The following EIF4E2 variants were observed in gnomAD, a reference collection of about 807,000 sequenced individuals.
EIF4E2 encodes eukaryotic translation initiation factor 4E family member 2.
A neutral mutation model predicts 34.2 loss-of-function variants in EIF4E2; 13 were observed. The observed-to-expected ratio is 0.38, with a 90% CI of 0.25 to 0.60. The LOEUF (loss-of-function observed/expected upper bound fraction) is 0.60, where lower values mean the gene tolerates loss of function less well. Ranked by LOEUF, EIF4E2 falls within the 20% of genes least tolerant of loss-of-function variation. The probability of loss-of-function intolerance (pLI) is 0.62; values close to 1 mark genes in which losing one functional copy is unlikely to be tolerated. For missense variants in EIF4E2, 222 were observed against 315.1 expected, an observed-to-expected ratio of 0.70 and a Z score of 2.24; for synonymous variants, 100 against 106.6, an observed-to-expected ratio of 0.94 and a Z score of 0.38.
At chr2:232,555,560 C>T (rs1030605925) in intron 1 of EIF4E2, among the ~76,000 whole-genome samples, 1 of 152,182 alleles carries the variant, frequency 6.6e-6, no homozygotes, top group African/African-American at 2.4e-5. Context: ...ATTTATTCAG[C>T]ATCTTCTAGT....
At chr2:232,568,619 G>A (rs113065716) in intron 6 of EIF4E2, 28 of 985,340 alleles carry the variant, frequency 2.8e-5, no homozygotes, top group Non-Finnish European at 6.0e-6. Flanking sequence ...TACCTGGATA[G>A]GAGAGGGAAA....
downstream of EIF4E2, chr2:232,569,302 C>G: frequency 1.7e-6 from 2 of 1,185,924 alleles, no homozygotes; most frequent in Non-Finnish European, 2.1e-6. Context: ...CAGACTTTTC[C>G]ATGGAGGGCC....
chr2:232,570,443 A>G (rs1190455), downstream of EIF4E2, among the ~76,000 whole-genome samples: 105,803 of 152,162 alleles, frequency 0.7, 37,334 homozygotes, highest in South Asian at 0.76. Context: ...CTTTAATTTC[A>G]GCTGTATTGT....
At chr2:232,557,840 A>G (rs1365346021) in intron 2 of EIF4E2, 44 bp from the exon 3 acceptor site, 1 of 1,602,580 alleles carries the variant, frequency 6.2e-7, no homozygotes, top group Non-Finnish European at 8.5e-7. Context: ...GTCTCAGACC[A>G]CGTGACAAAT....
At chr2:232,567,711 G>A (rs1177144212) in intron 6 of EIF4E2, 3 of 994,490 alleles carry the variant, frequency 3.0e-6, no homozygotes, top group Non-Finnish European at 3.6e-6. Flanking sequence ...GGGGGATAGT[G>A]TGTGTGTGAG....
chr2:232,565,414 A>G (rs755661838), intron 4 of EIF4E2, among the ~76,000 whole-genome samples: 1 of 152,082 alleles, frequency 6.6e-6, no homozygotes, highest in Non-Finnish European at 1.5e-5. Context: ...TGGACAGATC[A>G]CCTGAGGTCA....
intron 6 of EIF4E2, among the ~76,000 whole-genome samples, chr2:232,578,739 A>C (rs1378404518): frequency 6.6e-6 from 1 of 152,224 alleles, no homozygotes; most frequent in African/African-American, 2.4e-5. Flanking sequence ...TCCAAAAGAT[A>C]AGATGACCTG....
chr2:232,565,489 C>G (rs1016154360), intron 4 of EIF4E2, among the ~76,000 whole-genome samples: 1 of 151,886 alleles, frequency 6.6e-6, no homozygotes, highest in Non-Finnish European at 1.5e-5. Context: ...CAAAAATTAG[C>G]CAGGTGTGGT....
At chr2:232,567,047 G>T in intron 5 of EIF4E2, 31 bp from the exon 6 acceptor site, 1 of 1,607,560 alleles carries the variant, frequency 6.2e-7, no homozygotes, top group Admixed American at 1.7e-5. Flanking sequence ...CCCCTGATTT[G>T]CTTTGATGAT....
chr2:232,580,920 C>T lies in EIF4E2; in HGVS notation c.682C>T (p.Arg228Ter). ...TTCTTTCAGGGACAATTCAAGCTTT[C>T]GAAATACAAAAATCACATTGTGAGA... The change falls in exon 7 of 7, where the codon CGA becomes TGA. Residue 228 changes from arginine (R) to a stop codon, truncating the protein, a stop_gained. Transcript: ENST00000409098. LOFTEE classifies it high-confidence loss of function. 1.3e-6 allele frequency: 2 copies of T among 1,549,786 alleles called. No individual in the cohort carries two copies. The highest frequency in any genetic ancestry group is 1.7e-6 in the Non-Finnish European group (2 of 1,146,886).
chr2:232,569,090 C>T lies in EIF4E2; in HGVS notation c.*73C>T. ...AGTCTCTTGTTCTGTTGGCGTGCTA[C>T]CTGGAAGATCCTTCTGTCCTGGACA... On this transcript the variant is annotated 3_prime_UTR_variant, in exon 7 of 7. Transcript: ENST00000258416. 1 of 1,579,620 alleles carries T rather than the reference C, an allele frequency of 6.3e-7. No homozygotes were observed. Among genetic ancestry groups the T allele is most frequent in the Non-Finnish European group, 8.6e-7 (1 of 1,161,248 alleles).
chr2:232,555,392 T>A (rs1329333300), intron 1 of EIF4E2, among the ~76,000 whole-genome samples: 1 of 152,220 alleles, frequency 6.6e-6, no homozygotes, highest in Non-Finnish European at 1.5e-5. Flanking sequence ...CATTTATCTT[T>A]TTGTCTGGAT....
Position 232,564,520 on chromosome 2 carries a change from G to A in EIF4E2, c.375+169G>A, listed in dbSNP as rs569304692. On this transcript the variant is annotated intron_variant, in intron 4 of 6. Transcript: ENST00000258416. ...AGGCTGAGCGCAGTGGCGCGATCTCGGCTCACTGCAAGCTCCGCCTCCCAG... is the reference window on the plus strand; with the variant it reads ...AGGCTGAGCGCAGTGGCGCGATCTCAGCTCACTGCAAGCTCCGCCTCCCAG... Among the ~76,000 whole-genome samples, 16 of 152,288 alleles carry A rather than the reference G, an allele frequency of 1.1e-4. 1 individual carries two copies. Among genetic ancestry groups the A allele is most frequent in the Admixed American group, 5.2e-4 (8 of 15,290 alleles).
intron 1 of EIF4E2, among the ~76,000 whole-genome samples, chr2:232,554,069 A>G (rs1692435147): frequency 6.6e-6 from 1 of 152,198 alleles, no homozygotes; most frequent in South Asian, 2.1e-4. Context: ...GGGCCTAAGC[A>G]GAAGAACCTT....
intron 6 of EIF4E2, among the ~76,000 whole-genome samples, chr2:232,579,921 C>T (rs191188474): frequency 3.3e-4 from 50 of 152,190 alleles, no homozygotes; most frequent in African/African-American, 9.9e-4. Context: ...CCTTAAAGTC[C>T]CTGCCAGCCT....
chr2:232,577,197 G>T (rs1378844765), intron 6 of EIF4E2, among the ~76,000 whole-genome samples: 8 of 152,212 alleles, frequency 5.3e-5, no homozygotes, highest in Admixed American at 1.3e-4. Context: ...GAAAGAGTTT[G>T]CAGCTTTACT....
Position 232,556,494 on chromosome 2 carries a change from G to T in EIF4E2, c.99G>T (p.Thr33=), listed in dbSNP as rs780492980. The T allele has an allele frequency of 1.9e-6, 3 of 1,613,402 alleles. No homozygotes were observed. The highest frequency in any genetic ancestry group is 2.5e-6 in the Non-Finnish European group (3 of 1,179,730). The stretch of plus-strand genomic sequence containing the variant: ...AGAAAGATGGTGAGAAGGAAAAAAC[G>T]GAACGAGACAAGAATCAGAGCAGTA... ...STQKDGEKEK[T]ERDKNQSSSK... The change falls in exon 2 of 7, where the codon ACG becomes ACT. Residue 33 remains threonine, a synonymous_variant. Coordinates refer to ENST00000258416, the MANE Select transcript of EIF4E2 (RefSeq NM_004846.4).
At chr2:232,580,282 G>A (rs144686090) in intron 6 of EIF4E2, among the ~76,000 whole-genome samples, 1 of 152,046 alleles carries the variant, frequency 6.6e-6, no homozygotes, top group African/African-American at 2.4e-5. Flanking sequence ...TTGGTTTTTT[G>A]TTCATATAAG....
At chr2:232,561,273 A>C (rs569744773) in intron 3 of EIF4E2, among the ~76,000 whole-genome samples, 17 of 152,322 alleles carry the variant, frequency 1.1e-4, no homozygotes, top group African/African-American at 3.8e-4. Context: ...ATCTCAAAAA[A>C]AGATTTTTTT....
Sources: gnomAD v4.1 joint callset for allele counts (sites outside exome capture counted in the v4.1 genomes callset) on GRCh38, gnomAD v4.1.1 for gene constraint, MANE v1.5 for transcripts, NCBI Gene and HGNC (gene_info 2026-07-23, HGNC 2026-07-21) for gene names.